Variants in PDE10A observed in about 807,000 individuals in gnomAD.
PDE10A encodes cAMP and cAMP-inhibited cGMP 3',5'-cyclic phosphodiesterase 10A.
PDE10A carries 39 observed loss-of-function variants against 97.7 expected under a neutral mutation model. That is an observed-to-expected ratio of 0.40 (90% CI 0.31 to 0.52). PDE10A has a LOEUF of 0.52. Among genes scored for constraint, PDE10A ranks in the 20% least tolerant of loss-of-function variants. The pLI is 0.56. For synonymous variants in PDE10A, 371 were observed against 376.8 expected (o/e 0.98, Z 0.18); for missense variants, 731 against 1,047.8 (o/e 0.70, Z 4.17).
At chr6:165,569,549 T>C (rs1784949035) in intron 1 of PDE10A, among the ~76,000 whole-genome samples, 3 of 152,212 alleles carry the variant, frequency 2.0e-5, no homozygotes, top group Non-Finnish European at 2.9e-5. Context: ...ATTTGTAGTA[T>C]AATATAACTA....
chr6:165,689,950 G>C (rs1188215510), intron 1 of PDE10A, among the ~76,000 whole-genome samples: 2 of 152,160 alleles, frequency 1.3e-5, no homozygotes, highest in African/African-American at 4.8e-5. Flanking sequence ...GTCACTCATA[G>C]CTTTCCCAAA....
chr6:165,355,236 A>G (rs1177349742), intron 18 of PDE10A, among the ~76,000 whole-genome samples: 1 of 152,198 alleles, frequency 6.6e-6, no homozygotes, highest in Non-Finnish European at 1.5e-5. Context: ...TATGTTATAT[A>G]GAATGAAATG....
At chr6:165,923,170 A>G (rs1315862953) in intron 1 of PDE10A, among the ~76,000 whole-genome samples, 4 of 152,234 alleles carry the variant, frequency 2.6e-5, no homozygotes, top group African/African-American at 9.6e-5. Flanking sequence ...CTAATTAGGA[A>G]GTCACAAACA....
intron 1 of PDE10A, among the ~76,000 whole-genome samples, chr6:165,635,848 T>C (rs1788850515): frequency 6.6e-6 from 1 of 152,166 alleles, no homozygotes; most frequent in Non-Finnish European, 1.5e-5. Context: ...GAGGTAGACA[T>C]ATCTTGTTTG....
intron 10 of PDE10A, among the ~76,000 whole-genome samples, chr6:165,427,634 C>G (rs1789260445): frequency 6.6e-6 from 1 of 152,048 alleles, no homozygotes; most frequent in South Asian, 2.1e-4. Context: ...AATGGATGAA[C>G]TGTATAGTAT....
chr6:165,901,694 C>T (rs1363220144), intron 1 of PDE10A, among the ~76,000 whole-genome samples: 1 of 151,994 alleles, frequency 6.6e-6, no homozygotes, highest in East Asian at 1.9e-4. Flanking sequence ...CCCAGCTACT[C>T]GGGAGGCTGA....
At chr6:165,880,314 C>T (rs1377683524) in intron 1 of PDE10A, among the ~76,000 whole-genome samples, 1 of 152,150 alleles carries the variant, frequency 6.6e-6, no homozygotes, top group South Asian at 2.1e-4. Context: ...TAAGTATTGC[C>T]ATGGTATAAA....
chr6:165,811,666 A>C (rs2128467393), intron 1 of PDE10A, among the ~76,000 whole-genome samples: 1 of 152,228 alleles, frequency 6.6e-6, no homozygotes, highest in South Asian at 2.1e-4. Flanking sequence ...TGGCTCACCA[A>C]CCGGCTCTGC....
chr6:165,921,800 C>T (rs562525244), intron 1 of PDE10A, among the ~76,000 whole-genome samples: 49 of 152,314 alleles, frequency 3.2e-4, no homozygotes, highest in African/African-American at 1.1e-3. Flanking sequence ...GGCTACACCA[C>T]GTAGGGTCTT....
chr6:165,588,845 T>C (rs992778233), intron 1 of PDE10A, among the ~76,000 whole-genome samples: 1 of 152,188 alleles, frequency 6.6e-6, no homozygotes, highest in Non-Finnish European at 1.5e-5. Context: ...ACCTACACTA[T>C]GCAGTTTTTG....
intron 1 of PDE10A, among the ~76,000 whole-genome samples, chr6:165,907,699 G>A (rs74767058): frequency 0.04 from 6,050 of 152,308 alleles, 418 homozygotes; most frequent in African/African-American, 0.14. Flanking sequence ...AGGAGGAGCG[G>A]ATGCCTCAGA....
At chr6:165,768,913 G>A (rs752077016) in intron 1 of PDE10A, among the ~76,000 whole-genome samples, 16 of 152,064 alleles carry the variant, frequency 1.1e-4, no homozygotes, top group Non-Finnish European at 1.9e-4. Flanking sequence ...AGCATCGAGC[G>A]CCGCAAAGTC....
At chr6:165,705,839 T>A (rs915536039) in intron 1 of PDE10A, among the ~76,000 whole-genome samples, 2 of 152,250 alleles carry the variant, frequency 1.3e-5, no homozygotes, top group Non-Finnish European at 2.9e-5. Flanking sequence ...ATTCAAAACG[T>A]AACTTTCTCT....
chr6:165,527,798 G>A (rs1173838257), intron 2 of PDE10A, among the ~76,000 whole-genome samples: 1 of 152,212 alleles, frequency 6.6e-6, no homozygotes, highest in African/African-American at 2.4e-5. Flanking sequence ...CCTGCCATCT[G>A]CCTTCTCTTC....
At position 165,868,328 on chromosome 6, in the gene PDE10A, A is replaced by G. The variant is rs564208178; in HGVS notation, c.-615+119201T>C. 4.6e-4 allele frequency among the ~76,000 whole-genome samples: 70 copies of G among 152,218 alleles called. 1 individual carries two copies. Among genetic ancestry groups the G allele is most frequent in the Non-Finnish European group, 1.2e-4 (8 of 67,922 alleles). ...AAATAAATAAAATCAGGAACAAAAA[A>G]GACCTTGCAATTGATACCACAGAAA... On this transcript the variant is annotated intron_variant, in intron 1 of 19. Coordinates refer to the PDE10A transcript ENST00000366882.
At chr6:165,420,333 G>A (rs1788606562) in intron 10 of PDE10A, among the ~76,000 whole-genome samples, 1 of 152,072 alleles carries the variant, frequency 6.6e-6, no homozygotes, top group African/African-American at 2.4e-5. Flanking sequence ...TTACTATCTG[G>A]CCCTTTACAA....
chr6:165,543,428 A>C lies in PDE10A; in HGVS notation c.994+12T>G. On this transcript the variant is annotated intron_variant, in intron 2 of 21. Coordinates refer to ENST00000539869, the MANE Select transcript of PDE10A (RefSeq NM_001385079.1). The stretch of plus-strand genomic sequence containing the variant: ...AAAGCTGGTTTAAAATGAGATCCAC[A>C]AGAGACCTTACCTTCTGATTTGTTG... The C allele has an allele frequency of 6.2e-7, 1 of 1,608,980 alleles. No individual in the cohort carries two copies. The highest frequency in any genetic ancestry group is 8.5e-7 in the Non-Finnish European group (1 of 1,178,446).
intron 2 of PDE10A, among the ~76,000 whole-genome samples, chr6:165,525,058 G>A (rs981933516): frequency 6.6e-6 from 1 of 152,070 alleles, no homozygotes. Flanking sequence ...CAGGGAAAAT[G>A]ATGTTGATTC....
At chr6:165,863,411 C>T (rs2128477142) in intron 1 of PDE10A, among the ~76,000 whole-genome samples, 1 of 152,274 alleles carries the variant, frequency 6.6e-6, no homozygotes, top group Middle Eastern at 3.4e-3. Context: ...AATGTCATCA[C>T]TAGAAAGAAG....
Sources: gnomAD v4.1 joint callset for allele counts (sites outside exome capture counted in the v4.1 genomes callset) on GRCh38, gnomAD v4.1.1 for gene constraint, MANE v1.5 for transcripts, NCBI Gene and HGNC (gene_info 2026-07-23, HGNC 2026-07-21) for gene names.